GPR139: variants seen among roughly 807,000 people sequenced by gnomAD.
GPR139 encodes G protein-coupled receptor 139, also known as probable G protein-coupled receptor 139.
In GPR139, 12 loss-of-function variants were observed where a neutral mutation model predicts 25.8. The observed-to-expected ratio is 0.47, with a 90% CI of 0.30 to 0.75. The LOEUF (loss-of-function observed/expected upper bound fraction) is 0.75, where lower values mean the gene tolerates loss of function less well. Among genes scored for constraint, GPR139 ranks in the 30% least tolerant of loss-of-function variants. The pLI is 0.07. For synonymous variants in GPR139, 184 were observed against 179.9 expected (o/e 1.02, Z -0.18); for missense variants, 380 against 450.2 (o/e 0.84, Z 1.41).
At chr16:20,053,221 G>A (rs998001111) in intron 1 of GPR139, among the ~76,000 whole-genome samples, 1 of 152,140 alleles carries the variant, frequency 6.6e-6, no homozygotes, top group Non-Finnish European at 1.5e-5. Context: ...GGGGGCATGG[G>A]GAACATTGTT....
At chr16:20,046,992 G>C (rs2057356396) in intron 1 of GPR139, among the ~76,000 whole-genome samples, 1 of 152,138 alleles carries the variant, frequency 6.6e-6, no homozygotes. Context: ...GATCACTTTA[G>C]CTCAGGAGTT....
Position 20,032,620 on chromosome 16 carries a change from C to T in GPR139, c.177G>A (p.Gln59=), listed in dbSNP as rs1231290377. Residue 59 remains glutamine (Q), a synonymous_variant, in exon 2 of 2, where the codon CAG becomes CAA. Coordinates refer to ENST00000570682, the MANE Select transcript of GPR139 (RefSeq NM_001002911.4). ...IILSQLVARR[Q]KSSYNYLLAL... ...CCAAGAGATAGTTGTAGGAGGACTT[C>T]TGTCTTCTTGCCACCAGCTGGGAGA... 2.2e-5 allele frequency: 36 copies of T among 1,611,608 alleles called. No individual in the cohort carries two copies. Among genetic ancestry groups the T allele is most frequent in the Non-Finnish European group, 3.1e-5 (36 of 1,177,878 alleles).
intron 1 of GPR139, among the ~76,000 whole-genome samples, chr16:20,053,612 G>T (rs1241246025): frequency 6.6e-6 from 1 of 152,184 alleles, no homozygotes; most frequent in Non-Finnish European, 1.5e-5. Context: ...AACTCCCAAG[G>T]TTGTTGTGGG....
intron 1 of GPR139, among the ~76,000 whole-genome samples, chr16:20,067,739 A>G (rs1902817): frequency 0.69 from 103,608 of 149,368 alleles, 36,412 homozygotes; most frequent in East Asian, 0.96. Context: ...AGGAGGCAGA[A>G]GTTGCGGTGA....
In GPR139 at chr16:20,031,881, A is replaced by C. The variant is rs1471800860; in HGVS notation, c.916T>G (p.Cys306Gly). Residue 306 changes from cysteine (C) to glycine (G), a missense_variant, in exon 2 of 2, where the codon TGC (cysteine) becomes GGC (glycine). By Grantham distance (159) the Cys-to-Gly change is radical. Coordinates refer to ENST00000570682, the MANE Select transcript of GPR139 (RefSeq NM_001002911.4). Reference sequence around the variant, plus strand: ...TAGAACTGTACAGGTTGCTTCTGGCACTTGAAGAAAGCCTTGAGCGTGGCG... The same window carrying C: ...TAGAACTGTACAGGTTGCTTCTGGCCCTTGAAGAAAGCCTTGAGCGTGGCG... ...AAATLKAFFK[C>G]QKQPVQFYTN... The C allele has an allele frequency of 2.5e-6, 4 of 1,614,014 alleles. No individual in the cohort carries two copies. The highest frequency in any genetic ancestry group is 2.2e-5 in the East Asian group (1 of 44,898).
chr16:20,049,350 C>A (rs2057364472), intron 1 of GPR139, among the ~76,000 whole-genome samples: 1 of 152,158 alleles, frequency 6.6e-6, no homozygotes, highest in Admixed American at 6.5e-5. Flanking sequence ...CTTTCCTCTG[C>A]TTTTTTCTCT....
rs1290223165 is a variant in GPR139, at chr16:20,029,240, T to G, written c.*2495A>C. 6.6e-6 allele frequency among the ~76,000 whole-genome samples: 1 copy of G among 151,982 alleles called. No homozygotes were observed. Among genetic ancestry groups the G allele is most frequent in the African/African-American group, 2.4e-5 (1 of 41,366 alleles). On this transcript the variant is annotated 3_prime_UTR_variant, in exon 2 of 2. Coordinates refer to ENST00000570682, the MANE Select transcript of GPR139 (RefSeq NM_001002911.4). ...TAGAGCCTCTATCATCGAGAAGTAA[T>G]AAATTAAAGTGTCTGAGGAAAATGT...
At chr16:20,037,924 G>A (rs1014100392) in intron 1 of GPR139, among the ~76,000 whole-genome samples, 4 of 152,068 alleles carry the variant, frequency 2.6e-5, no homozygotes, top group African/African-American at 9.7e-5. Context: ...GCAATGATGC[G>A]ATCTCGGCTC....
chr16:20,069,519 C>T (rs2057451868), intron 1 of GPR139, among the ~76,000 whole-genome samples: 1 of 152,200 alleles, frequency 6.6e-6, no homozygotes, highest in Non-Finnish European at 1.5e-5. Flanking sequence ...TTACTATCTG[C>T]CAGGCTACAG....
At position 20,032,510 on chromosome 16, in the gene GPR139, A is replaced by T; in HGVS notation, c.287T>A (p.Met96Lys). Residue 96 changes from methionine to lysine, a missense_variant, in exon 2 of 2, where the codon ATG becomes AAG. Met to Lys is a moderately conservative substitution (Grantham distance 95). Coordinates refer to ENST00000570682, the MANE Select transcript of GPR139 (RefSeq NM_001002911.4). ...LLEDFILNMQ[M>K]PQVPDKIIEV... Reference sequence around the variant, plus strand: ...TATGATCTTGTCGGGGACCTGAGGCATCTGCATGTTCAAGATGAAATCTTC... The same window carrying T: ...TATGATCTTGTCGGGGACCTGAGGCTTCTGCATGTTCAAGATGAAATCTTC... 6.2e-7 allele frequency: 1 copy of T among 1,614,198 alleles called. No homozygotes were observed. Among genetic ancestry groups the T allele is most frequent in the Non-Finnish European group, 8.5e-7 (1 of 1,180,034 alleles).
intron 1 of GPR139, among the ~76,000 whole-genome samples, chr16:20,065,579 A>G (rs1361167328): frequency 6.6e-6 from 1 of 152,176 alleles, no homozygotes; most frequent in Non-Finnish European, 1.5e-5. Flanking sequence ...AAAGAATCAT[A>G]AGTTAAATGA....
chr16:20,071,681 A>G lies in GPR139; in HGVS notation c.127+1809T>C, dbSNP rs145542115. ...CAATGCTGTGTGTCAGGAAGGCCCT[A>G]GCTGGCATAGGAGTTGGGATGTGAA... On this transcript the variant is annotated intron_variant, in intron 1 of 1. Coordinates refer to ENST00000570682, the MANE Select transcript of GPR139 (RefSeq NM_001002911.4). Among the ~76,000 whole-genome samples the G allele has an allele frequency of 4.7e-3, 712 of 152,312 alleles. 4 individuals carry two copies. The highest frequency in any genetic ancestry group is 6.2e-3 in the Admixed American group (95 of 15,292).
chr16:20,042,259 C>T (rs190679092), intron 1 of GPR139, among the ~76,000 whole-genome samples: 2 of 152,188 alleles, frequency 1.3e-5, no homozygotes, highest in African/African-American at 2.4e-5. Context: ...CATTAGCTAT[C>T]GTTACTTTTT....
intron 1 of GPR139, among the ~76,000 whole-genome samples, chr16:20,060,763 T>C (rs1173734800): frequency 6.6e-6 from 1 of 152,128 alleles, no homozygotes; most frequent in Non-Finnish European, 1.5e-5. Context: ...CCCCTTCTCC[T>C]TTTTTGGTCA....
intron 1 of GPR139, among the ~76,000 whole-genome samples, chr16:20,035,813 T>TACTTATAGAA (rs1173510027): frequency 6.6e-6 from 1 of 152,250 alleles, no homozygotes; most frequent in Admixed American, 6.5e-5. Context: ...AGACAAAGAA[T>TACTTATAGAA]ACTTATATTG....
At chr16:20,058,427 G>A (rs1168926597) in intron 1 of GPR139, among the ~76,000 whole-genome samples, 4 of 152,112 alleles carry the variant, frequency 2.6e-5, no homozygotes, top group Admixed American at 2.6e-4. Context: ...CAGGGGCAAG[G>A]CAGGGAACAG....
At position 20,041,235 on chromosome 16, in the gene GPR139, GGAGAGGAGAGGAGAGGGAA is replaced by G. The variant is rs1567236038; in HGVS notation, c.128-8585_128-8567del. Among the ~76,000 whole-genome samples the G allele has an allele frequency of 5.0e-3, 28 of 5,624 alleles. 5 individuals carry two copies. The highest frequency in any genetic ancestry group is 0.042 in the Middle Eastern group (1 of 24). 3.7% of individuals were successfully genotyped at this position (5,624 alleles called of 152,430 possible). On this transcript the variant is annotated intron_variant, in intron 1 of 1. Transcript: ENST00000570682. ...GGAGAGGAGAGGAGAGGAGAGGAGA[GGAGAGGAGAGGAGAGGGAA>G]GGAGAAAAGAAAAGCATCTCTCTCT...
In GPR139 at chr16:20,032,459, T is replaced by A; in HGVS notation, c.338A>T (p.His113Leu). The A allele has an allele frequency of 6.2e-7, 1 of 1,614,120 alleles. No individual in the cohort carries two copies. Among genetic ancestry groups the A allele is most frequent in the Non-Finnish European group, 8.5e-7 (1 of 1,179,994 alleles). The stretch of plus-strand genomic sequence containing the variant: ...CGGTACAGTAATCCATATGGAGGTG[T>A]GGATGGATGAGAATTCCAGCACTTC... Reference protein sequence around the residue: ...IIEVLEFSSIHTSIWITVPLT... With the variant: ...IIEVLEFSSILTSIWITVPLT... Residue 113 changes from histidine to leucine, a missense_variant, in exon 2 of 2, where the codon CAC (histidine) becomes CTC (leucine). His to Leu is a moderately conservative substitution (Grantham distance 99). Coordinates refer to ENST00000570682, the MANE Select transcript of GPR139 (RefSeq NM_001002911.4).
intron 1 of GPR139, among the ~76,000 whole-genome samples, chr16:20,048,340 T>C (rs981110947): frequency 6.6e-6 from 1 of 152,270 alleles, no homozygotes; most frequent in Non-Finnish European, 1.5e-5. Context: ...CAGTTCAACA[T>C]AAATTTAGTG....
Sources: gnomAD v4.1 joint callset for allele counts (sites outside exome capture counted in the v4.1 genomes callset) on GRCh38, gnomAD v4.1.1 for gene constraint, MANE v1.5 for transcripts, NCBI Gene and HGNC (gene_info 2026-07-23, HGNC 2026-07-21) for gene names.